Variants in ACOT9 observed in about 807,000 individuals in gnomAD.
ACOT9 encodes the protein acyl-CoA thioesterase 9.
In ACOT9, 34 loss-of-function variants were observed where a neutral mutation model predicts 39.7. The ratio of observed to expected loss-of-function variants is 0.86; its 90% CI spans 0.65 to 1.14. ACOT9 has a LOEUF of 1.14. Among genes scored for constraint, ACOT9 ranks in the 50% most tolerant of loss-of-function variants. ACOT9 has a pLI of 0.00. For synonymous variants in ACOT9, 110 were observed against 120.5 expected, an observed-to-expected ratio of 0.91 and a Z score of 0.57; for missense variants, 313 against 344.1, an observed-to-expected ratio of 0.91 and a Z score of 0.71.
At chrX:23,730,408 T>C in intron 6 of ACOT9, 119 bp downstream of exon 6, 1 of 588,513 alleles carries the variant, frequency 1.7e-6, no homozygotes, top group Non-Finnish European at 2.7e-6. Context: ...CCTTCTTTTT[T>C]TGTGCACTTT....
At position 23,743,245 on chromosome X, in the gene ACOT9, C is replaced by A; in HGVS notation, c.-101G>T. The A allele has an allele frequency of 9.7e-7, 1 of 1,031,221 alleles. No individual in the cohort carries two copies. The highest frequency in any genetic ancestry group is 1.9e-5 in the African/African-American group (1 of 52,816). The allele number at this position is 1,031,221 out of a possible 1,213,427, so 85.0% of individuals were successfully genotyped here. A position where few individuals can be genotyped will look rare whatever the true frequency, so the allele number is the denominator to read the frequency against. Reference sequence around the variant, plus strand: ...AAGACGCACGAGTACCAGACCGCGCCCTTGCTGAGGACAGCCCGGGAGCCG... The same window carrying A: ...AAGACGCACGAGTACCAGACCGCGCACTTGCTGAGGACAGCCCGGGAGCCG... On this transcript the variant is annotated 5_prime_UTR_variant, in exon 1 of 16. Coordinates refer to ENST00000379303, the MANE Select transcript of ACOT9 (RefSeq NM_001037171.2).
intron 5 of ACOT9, 102 bp from the exon 6 acceptor site, chrX:23,730,666 T>C (rs1929703482): frequency 6.2e-6 from 6 of 971,334 alleles, no homozygotes; most frequent in Non-Finnish European, 8.8e-6. Flanking sequence ...TAAAATTGAC[T>C]GTGGTGATGG....
chrX:23,727,099 C>A (rs764939426), intron 6 of ACOT9, among the ~76,000 whole-genome samples: 7 of 112,174 alleles, frequency 6.2e-5, no homozygotes, highest in Non-Finnish European at 1.3e-4. Context: ...GGATTACAGG[C>A]GTAAGCCACC....
Position 23,726,544 on chromosome X carries a change from T to G in ACOT9, c.401-3791A>C, listed in dbSNP as rs147944878. Among the ~76,000 whole-genome samples, 70 of 111,934 alleles carry G rather than the reference T, an allele frequency of 6.3e-4. No homozygotes were observed. The Middle Eastern group carries it at 0.014, about 22-fold the overall frequency. Reference sequence around the variant, plus strand: ...ACACAGCCGACCGGGAAATGTTTAATTAACAGGAAGTTAGCATAAAGAGGC... The same window carrying G: ...ACACAGCCGACCGGGAAATGTTTAAGTAACAGGAAGTTAGCATAAAGAGGC... On this transcript the variant is annotated intron_variant, in intron 6 of 15. Transcript: ENST00000379303.
chrX:23,704,891 G>A lies in ACOT9; in HGVS notation c.1108-47C>T, dbSNP rs7059118. 7.7e-3 allele frequency: 9,087 copies of A among 1,173,676 alleles called. 487 individuals carry two copies. The African/African-American group carries it at 0.14, about 19-fold the overall frequency. On this transcript the variant is annotated intron_variant, in intron 14 of 15. Transcript: ENST00000379303. ...AATCAGTCAACTGCATTAGGAAGGG[G>A]AAAAAGGCAGTCATAAGAGAAAACA...
Position 23,707,413 on chromosome X carries a change from A to G in ACOT9, c.730+464T>C, listed in dbSNP as rs1928730053. On this transcript the variant is annotated intron_variant, in intron 10 of 15. Transcript: ENST00000379303. ...TGGACTCCAAAGAAAAAAGAATAGC[A>G]TATTTTTAATTTCAATAAATTATTG... Among the ~76,000 whole-genome samples the G allele has an allele frequency of 9.0e-5, 10 of 111,708 alleles. No individual in the cohort carries two copies. The Admixed American group carries it at 9.6e-4, about 11-fold the overall frequency.
At chrX:23,735,693 A>G (rs1212310625) in intron 2 of ACOT9, among the ~76,000 whole-genome samples, 1 of 111,516 alleles carries the variant, frequency 9.0e-6, no homozygotes, top group East Asian at 2.8e-4. Context: ...AAAAGAGCTC[A>G]GTCCTCAAGG....
chrX:23,723,474 C>T (rs7065067), intron 6 of ACOT9, among the ~76,000 whole-genome samples: 16,781 of 107,353 alleles, frequency 0.16, 1,193 homozygotes, highest in East Asian at 0.35. Context: ...ATTAGCCGGG[C>T]GTGGTGGCGT....
chrX:23,725,448 G>T (rs1311709474), intron 6 of ACOT9, among the ~76,000 whole-genome samples: 1 of 90,248 alleles, frequency 1.1e-5, no homozygotes, highest in Non-Finnish European at 2.1e-5. Flanking sequence ...TCCAGTCTAG[G>T]TGACAGAGTG....
chrX:23,705,889 T>TA, intron 11 of ACOT9, 31 bp from the exon 12 acceptor site: 1 of 1,056,498 alleles, frequency 9.5e-7, no homozygotes, highest in Admixed American at 2.2e-5. Flanking sequence ...TAAACCCTGT[T>TA]AATGCCATGG....
chrX:23,720,813 C>T (rs146791537), intron 8 of ACOT9, among the ~76,000 whole-genome samples: 2,485 of 111,370 alleles, frequency 0.022, 40 homozygotes, highest in Non-Finnish European at 0.036. Flanking sequence ...CACCACCCGC[C>T]AATACCAAAA....
chrX:23,719,841 AT>A (rs758925800), intron 8 of ACOT9, among the ~76,000 whole-genome samples: 7 of 100,876 alleles, frequency 6.9e-5, no homozygotes, highest in Admixed American at 2.2e-4. Flanking sequence ...TGAATAAGTC[AT>A]TTTTTTTTTT....
Position 23,703,979 on chromosome X carries a change from G to A in ACOT9, c.1262C>T (p.Ser421Phe), listed in dbSNP as rs761691139. The change falls in exon 16 of 16, where the codon TCC (serine) becomes TTC (phenylalanine). Residue 421 changes from serine (S) to phenylalanine (F), a missense_variant. Coordinates refer to ENST00000379303, the MANE Select transcript of ACOT9 (RefSeq NM_001037171.2). ...CCGCTGCCCATCTAAGTACAACATG[G>A]ACTCTGAAACACAAGAAAGAGAACC... ...PLVFPKTYGESMLYLDGQRHF... is the reference protein window; with the variant it reads ...PLVFPKTYGEFMLYLDGQRHF... The A allele has an allele frequency of 8.3e-6, 10 of 1,204,350 alleles. No individual in the cohort carries two copies. Among genetic ancestry groups the A allele is most frequent in the Non-Finnish European group, 1.1e-5 (10 of 891,015 alleles).
chrX:23,721,827 T>C, intron 8 of ACOT9, 54 bp downstream of exon 8: 1 of 1,020,446 alleles, frequency 9.8e-7, no homozygotes, highest in Non-Finnish European at 1.4e-6. Context: ...TTTTCTTGCA[T>C]GGAGACTAGC....
chrX:23,731,400 G>A (rs771725382), intron 4 of ACOT9, among the ~76,000 whole-genome samples: 31 of 107,235 alleles, frequency 2.9e-4, no homozygotes, highest in Admixed American at 5.1e-4. Flanking sequence ...TTGCTTGAAC[G>A]TGGGAGGCGG....
chrX:23,704,634 G>A (rs1355324579), intron 15 of ACOT9, 60 bp downstream of exon 15: 13 of 1,125,206 alleles, frequency 1.2e-5, no homozygotes, highest in Non-Finnish European at 1.4e-5. Flanking sequence ...AATTCAAAAG[G>A]AGAAAAATGT....
At position 23,707,833 on chromosome X, in the gene ACOT9, A is replaced by C. The variant is rs747366815; in HGVS notation, c.730+44T>G. ...AAATAATCTCTTCTGCAGCGTAATT[A>C]ATGTGCTTTTCAAATTTATTTTATT... On this transcript the variant is annotated intron_variant, in intron 10 of 15. Coordinates refer to ENST00000379303, the MANE Select transcript of ACOT9 (RefSeq NM_001037171.2). The C allele has an allele frequency of 6.9e-5, 68 of 986,328 alleles. No individual in the cohort carries two copies. The South Asian group carries it at 1.4e-3, about 20-fold the overall frequency. 81.3% of individuals were successfully genotyped at this position (986,328 alleles called of 1,213,427 possible). A position where few individuals can be genotyped will look rare whatever the true frequency, so the allele number is the denominator to read the frequency against.
Position 23,701,849 on chromosome X carries a change from G to T in ACOT9, c.*2045C>A, listed in dbSNP as rs1928493942. ...AGCACTTTGGGAGGCCAAGGTAGGT[G>T]GATCACCTGAGGTCAGGAATTTGAG... is the stretch of plus-strand genomic sequence containing the variant. On this transcript the variant is annotated 3_prime_UTR_variant, in exon 16 of 16. Transcript: ENST00000379303. Among the ~76,000 whole-genome samples the T allele has an allele frequency of 9.0e-6, 1 of 111,256 alleles. No homozygotes were observed. The highest frequency in any genetic ancestry group is 1.9e-5 in the Non-Finnish European group (1 of 52,983).
intron 6 of ACOT9, among the ~76,000 whole-genome samples, chrX:23,725,441 AG>A (rs1229625368): frequency 1.0e-5 from 1 of 95,524 alleles, no homozygotes; most frequent in African/African-American, 4.1e-5. Context: ...ACTGCACTCC[AG>A]TCTAGGTGAC....
Sources: gnomAD v4.1 joint callset for allele counts (sites outside exome capture counted in the v4.1 genomes callset) on GRCh38, gnomAD v4.1.1 for gene constraint, MANE v1.5 for transcripts, NCBI Gene and HGNC (gene_info 2026-07-23, HGNC 2026-07-21) for gene names.